Variants in IL26 observed in about 807,000 individuals in gnomAD.
IL26 encodes interleukin 26.
Under a neutral mutation model 21.7 loss-of-function variants are expected in IL26, and 23 were observed. The observed-to-expected ratio is 1.06, with a 90% CI of 0.76 to 1.50. The LOEUF is 1.50. IL26 is among the 40% of genes most tolerant of loss of function. The probability of loss-of-function intolerance (pLI) is 0.00; values close to 1 mark genes in which losing one functional copy is unlikely to be tolerated. For missense variants in IL26, 204 were observed against 196.0 expected (o/e 1.04, Z -0.24); for synonymous variants, 63 against 67.8 (o/e 0.93, Z 0.34).
chr12:68,223,527 C>T lies in IL26; in HGVS notation c.363+1622G>A, dbSNP rs560238316. 7.2e-5 allele frequency among the ~76,000 whole-genome samples: 11 copies of T among 152,248 alleles called. No individual in the cohort carries two copies. The East Asian group carries it at 1.9e-3, about 27-fold the overall frequency. On this transcript the variant is annotated intron_variant, in intron 3 of 4. Coordinates refer to ENST00000229134, the MANE Select transcript of IL26 (RefSeq NM_018402.2). The stretch of plus-strand genomic sequence containing the variant: ...TCTCTAGCTATTTGGGTCAACAAAA[C>T]CAAATTAGTAATGAAAACCTGACAT...
intron 2 of IL26, 79 bp downstream of exon 2, chr12:68,225,365 C>A: frequency 6.5e-7 from 1 of 1,529,940 alleles, no homozygotes; most frequent in Non-Finnish European, 8.9e-7. Context: ...TAATTACTCT[C>A]TGAAAAAAAT....
intron 3 of IL26, among the ~76,000 whole-genome samples, chr12:68,221,688 A>G (rs1379357752): frequency 6.6e-6 from 1 of 152,236 alleles, no homozygotes; most frequent in East Asian, 1.9e-4. Context: ...TCTCTAGCTG[A>G]CAACATGTGA....
chr12:68,204,686 T>C (rs750543811), intron 3 of IL26, among the ~76,000 whole-genome samples: 1 of 146,360 alleles, frequency 6.8e-6, no homozygotes, highest in Non-Finnish European at 1.5e-5. Context: ...CACTGTTCAA[T>C]TAAAAAAAAA....
rs539206091 is a variant in IL26, at chr12:68,225,660, A to G, written c.97T>C (p.Tyr33His). The change falls in exon 1 of 5, where the codon TAC (tyrosine) becomes CAC (histidine). Residue 33 changes from tyrosine to histidine, a missense_variant. By Grantham distance (83) the Tyr-to-His change is moderately conservative. Transcript: ENST00000229134. ...GCTTGGGACAATGTTCCCCTTGGGT[A>G]ACAACTTTTGGTGAAGGAAGATTGC... ...HKQSSFTKSC[Y>H]PRGTLSQAVD... The G allele has an allele frequency of 4.3e-5, 70 of 1,614,080 alleles. 1 individual carries two copies. The South Asian group carries it at 7.2e-4, about 17-fold the overall frequency.
chr12:68,218,246 C>G (rs1232888581), intron 3 of IL26, among the ~76,000 whole-genome samples: 1 of 151,584 alleles, frequency 6.6e-6, no homozygotes, highest in Non-Finnish European at 1.5e-5. Flanking sequence ...GGAAAAAAAT[C>G]AATCAATTGA....
intron 3 of IL26, among the ~76,000 whole-genome samples, chr12:68,211,210 T>C (rs1868719086): frequency 6.6e-6 from 1 of 152,202 alleles, no homozygotes; most frequent in African/African-American, 2.4e-5. Context: ...CCTGGCTTCC[T>C]TCACTTAACG....
At chr12:68,216,163 C>T (rs185125964) in intron 3 of IL26, among the ~76,000 whole-genome samples, 6 of 151,756 alleles carry the variant, frequency 4.0e-5, no homozygotes, top group African/African-American at 9.7e-5. Flanking sequence ...TGCTGGCACA[C>T]GCCTGTAGTC....
intron 3 of IL26, among the ~76,000 whole-genome samples, chr12:68,218,375 C>A (rs1868952111): frequency 6.6e-6 from 1 of 151,898 alleles, no homozygotes; most frequent in South Asian, 2.1e-4. Context: ...TTCAATAGAG[C>A]AATGGAAAAT....
At chr12:68,207,160 G>A (rs1449779700) in intron 3 of IL26, among the ~76,000 whole-genome samples, 1 of 152,126 alleles carries the variant, frequency 6.6e-6, no homozygotes, top group Non-Finnish European at 1.5e-5. Context: ...CTGTAGCAGG[G>A]GATTCAGAAA....
intron 3 of IL26, among the ~76,000 whole-genome samples, chr12:68,211,320 A>G (rs1868722782): frequency 6.6e-6 from 1 of 152,154 alleles, no homozygotes. Context: ...ATGAGCACTT[A>G]GATTGATTCC....
chr12:68,216,660 A>T (rs11571016), intron 3 of IL26, among the ~76,000 whole-genome samples: 2,274 of 152,334 alleles, frequency 0.015, 48 homozygotes, highest in African/African-American at 0.052. Context: ...GGATGAATGA[A>T]TGGTATTATT....
chr12:68,222,277 T>C (rs1198337534), intron 3 of IL26, among the ~76,000 whole-genome samples: 3 of 152,246 alleles, frequency 2.0e-5, no homozygotes, highest in African/African-American at 7.2e-5. Flanking sequence ...CAATATCATA[T>C]GTTTTGCTTT....
chr12:68,219,179 A>G (rs1429052135), intron 3 of IL26, among the ~76,000 whole-genome samples: 2 of 152,060 alleles, frequency 1.3e-5, no homozygotes, highest in Admixed American at 1.3e-4. Context: ...TGTCACAACT[A>G]AATCTAATTG....
intron 3 of IL26, among the ~76,000 whole-genome samples, chr12:68,220,458 T>C (rs1869014040): frequency 6.6e-6 from 1 of 152,196 alleles, no homozygotes; most frequent in Non-Finnish European, 1.5e-5. Context: ...ATCCTGTCAA[T>C]AGATGTGTTA....
intron 3 of IL26, among the ~76,000 whole-genome samples, chr12:68,215,962 G>A (rs950207048): frequency 2.0e-5 from 3 of 151,012 alleles, no homozygotes; most frequent in African/African-American, 7.3e-5. Context: ...GGGATTACAG[G>A]CATGAGCCAC....
intron 3 of IL26, among the ~76,000 whole-genome samples, chr12:68,222,507 C>A (rs1438441981): frequency 6.6e-6 from 1 of 152,180 alleles, no homozygotes; most frequent in Non-Finnish European, 1.5e-5. Flanking sequence ...CCCTCAGAAT[C>A]CTGTTTAGCC....
intron 3 of IL26, among the ~76,000 whole-genome samples, chr12:68,212,286 T>G (rs555100074): frequency 1.3e-5 from 2 of 152,244 alleles, no homozygotes; most frequent in East Asian, 3.9e-4. Flanking sequence ...TTACTATAGC[T>G]TTATAGTATG....
intron 3 of IL26, among the ~76,000 whole-genome samples, chr12:68,209,946 T>C (rs1868659700): frequency 6.6e-6 from 1 of 152,116 alleles, no homozygotes; most frequent in African/African-American, 2.4e-5. Flanking sequence ...TGAAAAACCA[T>C]ACATAAGACC....
chr12:68,224,531 A>T (rs1869172758), intron 3 of IL26, among the ~76,000 whole-genome samples: 2 of 152,018 alleles, frequency 1.3e-5, no homozygotes, highest in Admixed American at 1.3e-4. Context: ...ATATTTTTTT[A>T]AAAACATAAG....
Sources: gnomAD v4.1 joint callset for allele counts (sites outside exome capture counted in the v4.1 genomes callset) on GRCh38, gnomAD v4.1.1 for gene constraint, MANE v1.5 for transcripts, NCBI Gene and HGNC (gene_info 2026-07-23, HGNC 2026-07-21) for gene names.